Variants in YARS1 observed in about 807,000 individuals in gnomAD.
YARS1 encodes tyrosine--tRNA ligase, cytoplasmic.
Under a neutral mutation model 62.2 loss-of-function variants are expected in YARS1, and 36 were observed. The ratio of observed to expected loss-of-function variants is 0.58; its 90% CI spans 0.44 to 0.76. The LOEUF is 0.76. Among genes scored for constraint, YARS1 ranks in the 30% least tolerant of loss-of-function variants. The pLI, the probability that YARS1 is intolerant of heterozygous loss-of-function variation, is 0.00. For synonymous variants in YARS1, 234 were observed against 244.9 expected (o/e 0.96, Z 0.42); for missense variants, 524 against 639.8 (o/e 0.82, Z 1.95).
chr1:32,811,657 G>A (rs547295456), intron 1 of YARS1: 3 of 156,696 alleles, frequency 1.9e-5, no homozygotes, highest in Non-Finnish European at 2.8e-5. Context: ...CACCTTCTTC[G>A]GGGCGGAGAG....
Position 32,814,714 on chromosome 1 carries a change from A to T in YARS1, c.57+2474T>A, listed in dbSNP as rs143533088. Among the ~76,000 whole-genome samples the T allele has an allele frequency of 7.4e-4, 113 of 152,380 alleles. 2 individuals carry two copies. In the East Asian group the frequency reaches 0.019, roughly 26 times the overall value. On this transcript the variant is annotated intron_variant, in intron 1 of 12. Transcript: ENST00000373477. ...CCCTCCAATCCATGTTCTAAAAGGT[A>T]GCCAGAGACAGTCTTTTAAAACTCA...
chr1:32,803,624 C>T (rs1638364369), intron 4 of YARS1, among the ~76,000 whole-genome samples: 1 of 152,182 alleles, frequency 6.6e-6, no homozygotes, highest in South Asian at 2.1e-4. Context: ...AAGGCTATTT[C>T]ATCTACCTTG....
intron 1 of YARS1, chr1:32,811,311 A>AC (rs1442951278): frequency 3.7e-6 from 2 of 534,434 alleles, no homozygotes; most frequent in African/African-American, 1.9e-5. Flanking sequence ...CCTCTTACCC[A>AC]CCCCCCTTCC....
chr1:32,816,108 CAAAA>C lies in YARS1; in HGVS notation c.57+1076_57+1079del, dbSNP rs71571726. Among the ~76,000 whole-genome samples the C allele has an allele frequency of 3.8e-3, 205 of 54,098 alleles. 2 individuals are homozygous for C. Among genetic ancestry groups the C allele is most frequent in the African/African-American group, 0.014 (198 of 14,454 alleles). The allele number at this position is 54,098 out of a possible 152,430, so 35.5% of individuals were successfully genotyped here. ...TGGGCGACAGAGCGAGACTCCGCCT[CAAAA>C]AAAAAAAAAAAAAAAAAGATAGTGT... On this transcript the variant is annotated intron_variant, in intron 1 of 12. Transcript: ENST00000373477.
At chr1:32,790,994 T>G in intron 6 of YARS1, 168 bp downstream of exon 6, 1 of 705,132 alleles carries the variant, frequency 1.4e-6, no homozygotes, top group South Asian at 1.6e-5. Flanking sequence ...TCAGGACTGC[T>G]CTGGATCCTT....
intron 6 of YARS1, among the ~76,000 whole-genome samples, chr1:32,790,181 CTTTTTTTTT>C (rs750131866): frequency 0.035 from 4,057 of 115,392 alleles, 84 homozygotes; most frequent in Middle Eastern, 0.095. Flanking sequence ...CCACGCAGGC[CTTTTTTTTT>C]TTTTTTTTTT....
At chr1:32,816,696 G>GA (rs1168647517) in intron 1 of YARS1, 6 of 165,756 alleles carry the variant, frequency 3.6e-5, no homozygotes, top group Admixed American at 3.5e-4. Context: ...AACATTTGTG[G>GA]AGTGAGGGGG....
At chr1:32,789,233 T>C (rs184349103) in intron 6 of YARS1, among the ~76,000 whole-genome samples, 165 of 152,364 alleles carry the variant, frequency 1.1e-3, no homozygotes, top group African/African-American at 3.3e-3. Flanking sequence ...TTATATATAA[T>C]GCTACATTGG....
At chr1:32,816,702 G>C (rs561409430) in intron 1 of YARS1, 100 of 157,558 alleles carry the variant, frequency 6.3e-4, no homozygotes, top group African/African-American at 2.3e-3. Context: ...TGTGGAGTGA[G>C]GGGGGGGGAT....
chr1:32,796,703 C>T (rs940249421), intron 5 of YARS1, among the ~76,000 whole-genome samples: 2 of 151,672 alleles, frequency 1.3e-5, no homozygotes, highest in Non-Finnish European at 2.9e-5. Flanking sequence ...GTGGCTCACA[C>T]CTGTAATCCC....
At chr1:32,777,282 G>C (rs1349337656) in intron 12 of YARS1, among the ~76,000 whole-genome samples, 1 of 151,948 alleles carries the variant, frequency 6.6e-6, no homozygotes, top group East Asian at 2.0e-4. Context: ...GCCTGCCTTG[G>C]CCTCCCAAAG....
intron 5 of YARS1, among the ~76,000 whole-genome samples, chr1:32,792,461 AC>A (rs1375698162): frequency 6.6e-6 from 1 of 152,194 alleles, no homozygotes; most frequent in Non-Finnish European, 1.5e-5. Flanking sequence ...TTTGATACAC[AC>A]ATACAAAAAA....
intron 6 of YARS1, among the ~76,000 whole-genome samples, chr1:32,788,082 T>A (rs140442830): frequency 1.3e-5 from 2 of 152,222 alleles, no homozygotes; most frequent in Non-Finnish European, 2.9e-5. Context: ...CACTCCAGCC[T>A]GGGCGACAGT....
chr1:32,797,723 T>C (rs772689726), intron 5 of YARS1, 40 bp downstream of exon 5: 1 of 1,541,394 alleles, frequency 6.5e-7, no homozygotes, highest in East Asian at 2.2e-5. Flanking sequence ...TGCATACCTC[T>C]GAGGTGCAAG....
intron 5 of YARS1, among the ~76,000 whole-genome samples, chr1:32,792,866 C>T (rs989400410): frequency 5.2e-4 from 77 of 147,782 alleles, no homozygotes; most frequent in African/African-American, 1.8e-3. Flanking sequence ...GGTGACAAAG[C>T]GAGACTCCAT....
At chr1:32,782,597 G>T (rs1653097064) in intron 8 of YARS1, 58 bp from the exon 9 acceptor site, 1 of 1,608,758 alleles carries the variant, frequency 6.2e-7, no homozygotes, top group Admixed American at 1.7e-5. Context: ...CAGGACACCT[G>T]AATCCAAAAA....
intron 3 of YARS1, among the ~76,000 whole-genome samples, chr1:32,808,622 G>C (rs531910587): frequency 1.3e-5 from 2 of 152,168 alleles, no homozygotes; most frequent in African/African-American, 4.8e-5. Context: ...CCATGCCTGT[G>C]TTCTTCACAG....
intron 5 of YARS1, among the ~76,000 whole-genome samples, chr1:32,792,876 T>C (rs946151414): frequency 1.4e-5 from 2 of 145,652 alleles, no homozygotes; most frequent in South Asian, 4.3e-4. Context: ...CGAGACTCCA[T>C]CTCAAAAAAA....
rs1457047636 is a variant in YARS1 at position 32,775,992 on chromosome 1, TC to T, written c.1575del (p.Asn526ThrfsTer129). On this transcript the variant is annotated frameshift_variant, in exon 13 of 13. Coordinates refer to ENST00000373477, the MANE Select transcript of YARS1 (RefSeq NM_003680.4). LOFTEE classifies it high-confidence loss of function. ...AGATGCTGGGCTGGCTAGCTAATGT[TC>T]CCCCCTTTCAGCGATTTACAGGAAA... is the stretch of plus-strand genomic sequence containing the variant. ...GSISCKSLKG[G>X]NIS 6.2e-7 allele frequency: 1 copy of T among 1,613,834 alleles called. No homozygotes were observed. The highest frequency in any genetic ancestry group is 1.7e-5 in the Admixed American group (1 of 60,014).
Sources: allele counts gnomAD v4.1 joint callset (sites outside exome capture counted in the v4.1 genomes callset), GRCh38; gene constraint gnomAD v4.1.1; transcripts MANE v1.5; gene names NCBI Gene and HGNC (gene_info 2026-07-23, HGNC 2026-07-21).